Variants in IL1RAPL1 observed in about 807,000 individuals in gnomAD.
The protein encoded by IL1RAPL1 is interleukin 1 receptor accessory protein like 1, also known as interleukin-1 receptor accessory protein-like 1.
IL1RAPL1 carries 3 observed loss-of-function variants against 48.4 expected under a neutral mutation model. The observed-to-expected ratio is 0.06, with a 90% CI of 0.03 to 0.16. IL1RAPL1 has a LOEUF of 0.16. IL1RAPL1 is among the 10% of genes least tolerant of loss of function. The pLI is 1.00. For synonymous variants in IL1RAPL1, 185 were observed against 187.7 expected, an observed-to-expected ratio of 0.99 and a Z score of 0.12; for missense variants, 349 against 530.6, an observed-to-expected ratio of 0.66 and a Z score of 3.36.
Position 28,954,967 on chromosome X carries a change from G to T in IL1RAPL1, c.82+165542G>T, listed in dbSNP as rs1263562136. 8.1e-5 allele frequency among the ~76,000 whole-genome samples: 9 copies of T among 111,708 alleles called. No homozygotes were observed. In the Admixed American group the frequency reaches 8.6e-4, roughly 11 times the overall value. On this transcript the variant is annotated intron_variant, in intron 2 of 10. Coordinates refer to ENST00000378993, the MANE Select transcript of IL1RAPL1 (RefSeq NM_014271.4). ...GTGAAACTGTATCATGTCATTTTAT[G>T]CTACACGTAAACAGTAATGGATATA...
At chrX:29,366,713 T>C (rs1192630698) in intron 3 of IL1RAPL1, among the ~76,000 whole-genome samples, 2 of 107,677 alleles carry the variant, frequency 1.9e-5, no homozygotes, top group East Asian at 2.9e-4. Flanking sequence ...GGACTACAGG[T>C]ACCCGGCACC....
intron 5 of IL1RAPL1, among the ~76,000 whole-genome samples, chrX:29,466,568 C>G (rs911850295): frequency 9.1e-6 from 1 of 109,526 alleles, no homozygotes; most frequent in Non-Finnish European, 1.9e-5. Flanking sequence ...TATGCAATTT[C>G]TCAAATATTT....
intron 6 of IL1RAPL1, among the ~76,000 whole-genome samples, chrX:29,881,578 A>G (rs765521158): frequency 5.8e-4 from 64 of 110,443 alleles, no homozygotes; most frequent in African/African-American, 2.1e-3. Context: ...CATAGTAGGT[A>G]TATATATTTG....
chrX:29,562,093 CTAT>C (rs1251360859), intron 5 of IL1RAPL1, among the ~76,000 whole-genome samples: 50 of 68,477 alleles, frequency 7.3e-4, no homozygotes, highest in African/African-American at 3.1e-3. Context: ...ATCTATCTGT[CTAT>C]CTATCTATCT....
At chrX:28,960,502 A>G (rs1245487345) in intron 2 of IL1RAPL1, among the ~76,000 whole-genome samples, 1 of 111,350 alleles carries the variant, frequency 9.0e-6, no homozygotes, top group Non-Finnish European at 1.9e-5. Context: ...ATTTTGTTCA[A>G]AATAAAAATA....
At chrX:29,012,274 G>A (rs1311234997) in intron 2 of IL1RAPL1, among the ~76,000 whole-genome samples, 1 of 112,471 alleles carries the variant, frequency 8.9e-6, no homozygotes, top group Non-Finnish European at 1.9e-5. Context: ...GGGGTGAGGT[G>A]GCTCACGCCT....
At chrX:29,074,464 G>C (rs1927629028) in intron 2 of IL1RAPL1, among the ~76,000 whole-genome samples, 1 of 111,654 alleles carries the variant, frequency 9.0e-6, no homozygotes, top group Non-Finnish European at 1.9e-5. Flanking sequence ...ATGTCTAATA[G>C]GTGGTACAGA....
intron 2 of IL1RAPL1, among the ~76,000 whole-genome samples, chrX:28,998,913 C>T (rs1364441798): frequency 5.4e-5 from 6 of 111,640 alleles, no homozygotes; most frequent in Non-Finnish European, 9.4e-5. Flanking sequence ...GTTAAAATAA[C>T]GTTAGAGAAA....
intron 2 of IL1RAPL1, among the ~76,000 whole-genome samples, chrX:29,014,203 T>C (rs1157312709): frequency 8.9e-6 from 1 of 111,889 alleles, no homozygotes; most frequent in Non-Finnish European, 1.9e-5. Context: ...TCTTACTTTT[T>C]TTGTTTTCTA....
chrX:28,924,093 A>G (rs1019174556), intron 2 of IL1RAPL1: 3 of 111,398 alleles, frequency 2.7e-5, no homozygotes, highest in Admixed American at 1.9e-4. Flanking sequence ...ATTTATCTTG[A>G]TAGGGACATC....
At chrX:29,347,607 C>A (rs1444718253) in intron 3 of IL1RAPL1, among the ~76,000 whole-genome samples, 2 of 110,102 alleles carry the variant, frequency 1.8e-5, no homozygotes, top group African/African-American at 6.6e-5. Flanking sequence ...CCTGGCTGGT[C>A]TCAAACTCCT....
At chrX:29,517,460 A>G (rs921802209) in intron 5 of IL1RAPL1, among the ~76,000 whole-genome samples, 5 of 111,287 alleles carry the variant, frequency 4.5e-5, no homozygotes, top group African/African-American at 1.3e-4. Flanking sequence ...TCCTGAAAAC[A>G]CTTCTACTTC....
chrX:29,588,448 AT>A (rs1351045638), intron 5 of IL1RAPL1, among the ~76,000 whole-genome samples: 1 of 112,297 alleles, frequency 8.9e-6, no homozygotes, highest in Non-Finnish European at 1.9e-5. Context: ...AACTTGAAGT[AT>A]TTTTACCACT....
intron 6 of IL1RAPL1, among the ~76,000 whole-genome samples, chrX:29,831,098 C>A (rs1005997444): frequency 2.7e-5 from 3 of 111,684 alleles, no homozygotes; most frequent in African/African-American, 9.8e-5. Flanking sequence ...CAGCTGTATT[C>A]TCTGTGAATA....
intron 3 of IL1RAPL1, among the ~76,000 whole-genome samples, chrX:29,313,574 A>C (rs1450095028): frequency 8.9e-6 from 1 of 111,764 alleles, no homozygotes; most frequent in Non-Finnish European, 1.9e-5. Context: ...ATTCTAGAAC[A>C]GTGTCTAGCA....
intron 3 of IL1RAPL1, among the ~76,000 whole-genome samples, chrX:29,309,938 A>T (rs1466539445): frequency 9.4e-6 from 1 of 106,892 alleles, no homozygotes; most frequent in Non-Finnish European, 1.9e-5. Flanking sequence ...TACTAAAAAT[A>T]CAAAAATTAG....
chrX:29,921,594 A>G, intron 8 of IL1RAPL1, among the ~76,000 whole-genome samples: 1 of 112,394 alleles, frequency 8.9e-6, no homozygotes, highest in East Asian at 2.8e-4. Context: ...TCATACATAT[A>G]CAAGGACAGA....
intron 2 of IL1RAPL1, among the ~76,000 whole-genome samples, chrX:29,209,481 T>C (rs1930729657): frequency 1.8e-5 from 2 of 112,325 alleles, no homozygotes; most frequent in Admixed American, 9.5e-5. Context: ...GGTGTGTATA[T>C]ATTGAATCTC....
intron 2 of IL1RAPL1, among the ~76,000 whole-genome samples, chrX:29,038,269 A>G (rs1926771401): frequency 9.0e-6 from 1 of 111,583 alleles, no homozygotes; most frequent in Non-Finnish European, 1.9e-5. Context: ...TAAACATTTT[A>G]ATTTTTCTAT....
Sources: allele counts gnomAD v4.1 joint callset (sites outside exome capture counted in the v4.1 genomes callset), GRCh38; gene constraint gnomAD v4.1.1; transcripts MANE v1.5; gene names NCBI Gene and HGNC (gene_info 2026-07-23, HGNC 2026-07-21).